Variants in SGTA observed in about 807,000 individuals in gnomAD.
SGTA encodes the protein small glutamine-rich tetratricopeptide repeat-containing protein alpha.
A neutral mutation model predicts 44.3 loss-of-function variants in SGTA; 22 were observed. That is an observed-to-expected ratio of 0.50 (90% CI 0.36 to 0.71). The LOEUF is 0.71. SGTA is among the 30% of genes least tolerant of loss of function. SGTA has a pLI of 0.00. For missense variants in SGTA, 341 were observed against 435.9 expected (o/e 0.78, Z 1.94); for synonymous variants, 174 against 177.6 (o/e 0.98, Z 0.16).
Position 2,765,937 on chromosome 19 carries a change from G to C in SGTA, c.293-652C>G, listed in dbSNP as rs1434477005. On this transcript the variant is annotated intron_variant, in intron 4 of 11. Coordinates refer to ENST00000221566, the MANE Select transcript of SGTA (RefSeq NM_003021.4). The surrounding 1 kb of genome is among the most constrained non-coding windows in gnomAD (Gnocchi z 5.5). ...CAAAGCTTACGCTTTAAAAATATAA[G>C]CCCGGGCGCGGTGGCTCATGCTTAT... Among the ~76,000 whole-genome samples the C allele has an allele frequency of 2.0e-5, 3 of 152,204 alleles. No individual in the cohort carries two copies.
At chr19:2,774,261 C>T (rs1294448989) in intron 1 of SGTA, among the ~76,000 whole-genome samples, 1 of 152,094 alleles carries the variant, frequency 6.6e-6, no homozygotes, top group Non-Finnish European at 1.5e-5. Flanking sequence ...CTGAACTGAG[C>T]CAGGTTGGGC....
intron 7 of SGTA, among the ~76,000 whole-genome samples, chr19:2,762,224 C>G (rs935416519): frequency 2.0e-5 from 3 of 152,312 alleles, no homozygotes; most frequent in Admixed American, 2.0e-4. Context: ...AGCCTCCTCA[C>G]CCGGCCTCGC....
chr19:2,772,929 G>A (rs1397680169), intron 1 of SGTA, among the ~76,000 whole-genome samples: 19 of 63,022 alleles, frequency 3.0e-4, no homozygotes, highest in African/African-American at 8.2e-4. Flanking sequence ...GAGGGCAGAG[G>A]TGGGTGACGC....
rs7257204 is a variant in SGTA, at chr19:2,761,681, A to C, written c.637-159T>G. ...AGGCAGGCAGCACGAAGCACATCGC[A>C]ACCGCCCGGGGACGGCACAGTCTGT... On this transcript the variant is annotated intron_variant, in intron 7 of 11. Transcript: ENST00000221566. This position sits in a 1 kb window ranked among gnomAD's most constrained non-coding sequence, Gnocchi z 5.7. Among the ~76,000 whole-genome samples the C allele has an allele frequency of 1.6e-3, 237 of 151,460 alleles. No homozygotes were observed. The highest frequency in any genetic ancestry group is 5.6e-3 in the African/African-American group (232 of 41,194).
At chr19:2,756,714 G>A (rs573939080) in intron 11 of SGTA, among the ~76,000 whole-genome samples, 3 of 151,866 alleles carry the variant, frequency 2.0e-5, no homozygotes, top group African/African-American at 4.8e-5. Context: ...GGAAGCCGGT[G>A]TCTGCTGGAG....
chr19:2,760,469 G>C (rs1914953992), intron 8 of SGTA, among the ~76,000 whole-genome samples: 1 of 123,504 alleles, frequency 8.1e-6, no homozygotes, highest in Non-Finnish European at 1.6e-5. Context: ...AGTGAGCTGA[G>C]ATCACACCAC....
Position 2,761,412 on chromosome 19 carries a change from G to T in SGTA, c.699+48C>A, listed in dbSNP as rs1182919970. The stretch of plus-strand genomic sequence containing the variant: ...TAGCGGACACAGCAGATGCGGGCCT[G>T]GGGGGTGGCGCAGACACCATGGACA... On this transcript the variant is annotated intron_variant, in intron 8 of 11. Coordinates refer to ENST00000221566, the MANE Select transcript of SGTA (RefSeq NM_003021.4). This position sits in a 1 kb window ranked among gnomAD's most constrained non-coding sequence, Gnocchi z 5.7. 9 of 1,468,212 alleles carry T rather than the reference G, an allele frequency of 6.1e-6. No homozygotes were observed. The Admixed American group carries it at 1.2e-4, about 19-fold the overall frequency. The allele number at this position is 1,468,212 out of a possible 1,614,324, so 90.9% of individuals were successfully genotyped here.
chr19:2,761,405 C>T lies in SGTA; in HGVS notation c.699+55G>A, dbSNP rs541551383. 31 of 1,445,376 alleles carry T rather than the reference C, an allele frequency of 2.1e-5. No individual in the cohort carries two copies. Among genetic ancestry groups the T allele is most frequent in the Middle Eastern group, 1.8e-4 (1 of 5,706 alleles). The allele number at this position is 1,445,376 out of a possible 1,614,324, so 89.5% of individuals were successfully genotyped here. On this transcript the variant is annotated intron_variant, in intron 8 of 11. Transcript: ENST00000221566. This position sits in a 1 kb window ranked among gnomAD's most constrained non-coding sequence, Gnocchi z 5.7. Reference sequence around the variant, plus strand: ...TGGCCAGTAGCGGACACAGCAGATGCGGGCCTGGGGGGTGGCGCAGACACC... The same window carrying T: ...TGGCCAGTAGCGGACACAGCAGATGTGGGCCTGGGGGGTGGCGCAGACACC...
chr19:2,769,746 C>G (rs1305434337), intron 1 of SGTA, among the ~76,000 whole-genome samples: 1 of 150,800 alleles, frequency 6.6e-6, no homozygotes, highest in African/African-American at 2.4e-5. Flanking sequence ...CTCAGACCCC[C>G]CTCTAGTTCC....
chr19:2,767,140 G>A lies in SGTA; in HGVS notation c.288C>T (p.Thr96=), dbSNP rs555580150. Residue 96 remains threonine (T), a synonymous_variant, in exon 4 of 12, where the codon ACC becomes ACT. Coordinates refer to ENST00000221566, the MANE Select transcript of SGTA (RefSeq NM_003021.4). The surrounding 1 kb of genome is among the most constrained non-coding windows in gnomAD (Gnocchi z 7.3). ...EDSAEAERLK[T]EGNEQMKVEN... The stretch of plus-strand genomic sequence containing the variant: ...GGGATGGAGGTCCTCCCTTACCTTC[G>A]GTTTTGAGGCGCTCTGCCTCTGCTG... 5.6e-6 allele frequency: 9 copies of A among 1,610,150 alleles called. No individual in the cohort carries two copies. The Admixed American group carries it at 8.4e-5, about 15-fold the overall frequency.
At position 2,757,733 on chromosome 19, in the gene SGTA, T is replaced by C; in HGVS notation, c.787A>G (p.Thr263Ala). The change falls in exon 10 of 12, where the codon ACC (threonine) becomes GCC (alanine). Residue 263 changes from threonine to alanine, a missense_variant. Thr to Ala is a moderately conservative substitution (Grantham distance 58, BLOSUM62 0). Transcript: ENST00000221566. ...GGNNPLGTPG[T>A]SPSQNDLASL... The stretch of plus-strand genomic sequence containing the variant: ...GCCAGGTCGTTCTGCGAGGGGCTGG[T>C]GCCGGGAGTTCCCAAGGGGTTGTTG... 1 of 1,602,926 alleles carries C rather than the reference T, an allele frequency of 6.2e-7. No homozygotes were observed. The highest frequency in any genetic ancestry group is 2.2e-5 in the East Asian group (1 of 44,526).
chr19:2,762,654 A>G lies in SGTA; in HGVS notation c.498-10T>C. On this transcript the variant is annotated splice_polypyrimidine_tract_variant and intron_variant, in intron 6 of 11. Transcript: ENST00000221566. The stretch of plus-strand genomic sequence containing the variant: ...GCTGGAGAGCGCCAGGCTGGAGGAG[A>G]GCACCGGGGATGGACTGTTCCCATC... 6.2e-7 allele frequency: 1 copy of G among 1,613,476 alleles called. No individual in the cohort carries two copies.
Position 2,767,353 on chromosome 19 carries a change from GCCC to G in SGTA, c.208-136_208-134del. 1 of 755,586 alleles carries G rather than the reference GCCC, an allele frequency of 1.3e-6. No individual in the cohort carries two copies. The highest frequency in any genetic ancestry group is 2.2e-6 in the Non-Finnish European group (1 of 461,870). The allele number at this position is 755,586 out of a possible 1,614,324, so 46.8% of individuals were successfully genotyped here. ...CCGGGGGCTCTGCAGGGGACTCCTG[GCCC>G]CCCATCATGTGGCCCTGGGCGAGTG... is the stretch of plus-strand genomic sequence containing the variant. On this transcript the variant is annotated intron_variant, in intron 3 of 11. Coordinates refer to ENST00000221566, the MANE Select transcript of SGTA (RefSeq NM_003021.4). This position sits in a 1 kb window ranked among gnomAD's most constrained non-coding sequence, Gnocchi z 7.3.
chr19:2,774,801 T>C (rs1915405935), intron 1 of SGTA, among the ~76,000 whole-genome samples: 1 of 152,094 alleles, frequency 6.6e-6, no homozygotes, highest in South Asian at 2.1e-4. Context: ...AGGCAAATGC[T>C]GAGGAAAGCC....
At position 2,761,908 on chromosome 19, in the gene SGTA, G is replaced by C. The variant is rs895171012; in HGVS notation, c.637-386C>G. Among the ~76,000 whole-genome samples, 7 of 148,958 alleles carry C rather than the reference G, an allele frequency of 4.7e-5. 1 individual carries two copies. Among genetic ancestry groups the C allele is most frequent in the African/African-American group, 1.8e-4 (7 of 39,148 alleles). ...TCCCCGTACAGCGCGACCGCCCGGG[G>C]ACGGCACAGTCTATCATCCCGTGTT... On this transcript the variant is annotated intron_variant, in intron 7 of 11. Transcript: ENST00000221566. This position sits in a 1 kb window ranked among gnomAD's most constrained non-coding sequence, Gnocchi z 5.7.
chr19:2,760,168 G>A (rs971623180), intron 8 of SGTA, among the ~76,000 whole-genome samples: 10 of 152,104 alleles, frequency 6.6e-5, no homozygotes, highest in East Asian at 1.9e-4. Flanking sequence ...CTCTGCCGCC[G>A]TATCATGAAA....
intron 1 of SGTA, among the ~76,000 whole-genome samples, chr19:2,776,826 G>T (rs1915454634): frequency 6.6e-6 from 1 of 152,122 alleles, no homozygotes; most frequent in Admixed American, 6.6e-5. Context: ...AGCCAATCAT[G>T]GTGGCGCACA....
At chr19:2,775,126 G>A (rs10406699) in intron 1 of SGTA, among the ~76,000 whole-genome samples, 2,565 of 152,326 alleles carry the variant, frequency 0.017, 74 homozygotes, top group African/African-American at 0.059. Flanking sequence ...ACACAACACC[G>A]TCTCATGACC....
chr19:2,774,590 A>G (rs1261553465), intron 1 of SGTA, among the ~76,000 whole-genome samples: 1 of 152,174 alleles, frequency 6.6e-6, no homozygotes, highest in Non-Finnish European at 1.5e-5. Context: ...CCCCGTGTAG[A>G]CAGCATCAGA....
Sources: allele counts gnomAD v4.1 joint callset (sites outside exome capture counted in the v4.1 genomes callset), GRCh38; gene constraint gnomAD v4.1.1; non-coding constraint Gnocchi (gnomAD v3.1); transcripts MANE v1.5; gene names NCBI Gene and HGNC (gene_info 2026-07-23, HGNC 2026-07-21).